The following KHDRBS3 variants were observed in gnomAD, a reference collection of about 807,000 sequenced individuals.
KHDRBS3 encodes KH RNA binding domain containing, signal transduction associated 3.
A neutral mutation model predicts 45.6 loss-of-function variants in KHDRBS3; 23 were observed. The ratio of observed to expected loss-of-function variants is 0.50; its 90% CI spans 0.36 to 0.72. The LOEUF (loss-of-function observed/expected upper bound fraction) is 0.72. Ranked by LOEUF, KHDRBS3 falls within the 30% of genes least tolerant of loss-of-function variation. KHDRBS3 has a pLI of 0.00. For synonymous variants in KHDRBS3, 162 were observed against 156.5 expected (o/e 1.04, Z -0.26); for missense variants, 352 against 424.8 (o/e 0.83, Z 1.51).
chr8:135,546,397 T>G (rs1826303181), intron 3 of KHDRBS3, among the ~76,000 whole-genome samples: 1 of 152,234 alleles, frequency 6.6e-6, no homozygotes, highest in Non-Finnish European at 1.5e-5. Flanking sequence ...CTGCATTTAT[T>G]TGCTACATTT....
At chr8:135,642,838 G>T (rs1831120708) in intron 7 of KHDRBS3, among the ~76,000 whole-genome samples, 1 of 151,328 alleles carries the variant, frequency 6.6e-6, no homozygotes, top group Non-Finnish European at 1.5e-5. Context: ...CTGTCGCCAG[G>T]CTGGAGTGCA....
intron 7 of KHDRBS3, among the ~76,000 whole-genome samples, chr8:135,614,812 G>A (rs1829852043): frequency 6.6e-6 from 1 of 151,816 alleles, no homozygotes; most frequent in Non-Finnish European, 1.5e-5. Context: ...GCACAGTAAG[G>A]CGGACTTTAT....
rs761627193 is a variant in KHDRBS3 at position 135,457,821 on chromosome 8, C to T, written c.-46C>T. On this transcript the variant is annotated 5_prime_UTR_variant, in exon 1 of 9. Coordinates refer to ENST00000355849, the MANE Select transcript of KHDRBS3 (RefSeq NM_006558.3). This position sits in a 1 kb window ranked among gnomAD's most constrained non-coding sequence, Gnocchi z 4.4. ...GGGTCGGGGGTTGCCGGGCGCCGCC[C>T]CCCGTGCGCCTGGAGTCCACATCCC... 3.0e-5 allele frequency: 41 copies of T among 1,349,216 alleles called. No homozygotes were observed. The highest frequency in any genetic ancestry group is 3.9e-5 in the Non-Finnish European group (39 of 1,001,962). The allele number at this position is 1,349,216 out of a possible 1,614,324, so 83.6% of individuals were successfully genotyped here.
intron 7 of KHDRBS3, among the ~76,000 whole-genome samples, chr8:135,636,893 C>T (rs184582938): frequency 6.6e-6 from 1 of 152,308 alleles, no homozygotes; most frequent in East Asian, 1.9e-4. Flanking sequence ...TTACTCTGAA[C>T]ACATTTAACA....
chr8:135,458,849 G>A (rs1434102532), intron 1 of KHDRBS3: 5 of 455,886 alleles, frequency 1.1e-5, no homozygotes, highest in African/African-American at 2.0e-5. Flanking sequence ...ACGCCTACCC[G>A]GGACAGTGTT....
intron 5 of KHDRBS3, among the ~76,000 whole-genome samples, chr8:135,572,960 G>T (rs1005230093): frequency 1.3e-5 from 2 of 152,236 alleles, no homozygotes; most frequent in African/African-American, 4.8e-5. Context: ...AATGAAGCAA[G>T]ATTGTCAAAT....
At chr8:135,487,863 A>T (rs531899838) in intron 1 of KHDRBS3, among the ~76,000 whole-genome samples, 1 of 152,316 alleles carries the variant, frequency 6.6e-6, no homozygotes, top group South Asian at 2.1e-4. Context: ...CATTGCTCTA[A>T]AAGCAAGCAG....
intron 1 of KHDRBS3, among the ~76,000 whole-genome samples, chr8:135,479,713 C>CCCTACCT (rs1258121150): frequency 6.6e-6 from 1 of 152,200 alleles, no homozygotes; most frequent in Non-Finnish European, 1.5e-5. Flanking sequence ...CTCTGAAAGA[C>CCCTACCT]CCTACCTCTT....
At chr8:135,601,131 G>A (rs1239397037) in intron 6 of KHDRBS3, among the ~76,000 whole-genome samples, 1 of 152,224 alleles carries the variant, frequency 6.6e-6, no homozygotes, top group Admixed American at 6.5e-5. Context: ...AAAGAGGTGA[G>A]AGGACTAAAC....
intron 1 of KHDRBS3, among the ~76,000 whole-genome samples, chr8:135,492,557 A>C (rs1823213510): frequency 6.6e-6 from 1 of 151,206 alleles, no homozygotes; most frequent in African/African-American, 2.4e-5. Flanking sequence ...CATTTGTTAA[A>C]TGAATGTATT....
chr8:135,645,223 G>T (rs1012836239), intron 8 of KHDRBS3, 106 bp downstream of exon 8: 3 of 1,079,908 alleles, frequency 2.8e-6, no homozygotes, highest in South Asian at 1.4e-5. Context: ...CTCTGAAACA[G>T]CAGCTTCCTG....
intron 7 of KHDRBS3, among the ~76,000 whole-genome samples, chr8:135,630,583 A>G (rs905641327): frequency 1.3e-5 from 2 of 151,878 alleles, no homozygotes; most frequent in South Asian, 4.2e-4. Flanking sequence ...GGGGAACATC[A>G]TAGAGTGACT....
In KHDRBS3 at chr8:135,639,062, G is replaced by A. The variant is rs545992111; in HGVS notation, c.891-5997G>A. ...AAAGTGAAGAAAGTATGTCAAGGAAGAGGTGTAGTAATCAGCCACATCAGG... is the reference window on the plus strand; with the variant it reads ...AAAGTGAAGAAAGTATGTCAAGGAAAAGGTGTAGTAATCAGCCACATCAGG... On this transcript the variant is annotated intron_variant, in intron 7 of 8. Coordinates refer to ENST00000355849, the MANE Select transcript of KHDRBS3 (RefSeq NM_006558.3). Among the ~76,000 whole-genome samples the A allele has an allele frequency of 1.0e-3, 157 of 152,172 alleles. 3 individuals are homozygous for A. In the South Asian group the frequency reaches 0.032, roughly 31 times the overall value.
Position 135,634,963 on chromosome 8 carries a change from T to C in KHDRBS3, c.891-10096T>C, listed in dbSNP as rs1830749004. 1.3e-5 allele frequency among the ~76,000 whole-genome samples: 2 copies of C among 152,232 alleles called. 1 individual carries two copies. Among genetic ancestry groups the C allele is most frequent in the South Asian group, 4.1e-4 (2 of 4,828 alleles). ...GGCCAATGGTTCTGAAAGTTTTTGATCTCACAATCCCTGTATACTTCATAC... is the reference window on the plus strand; with the variant it reads ...GGCCAATGGTTCTGAAAGTTTTTGACCTCACAATCCCTGTATACTTCATAC... On this transcript the variant is annotated intron_variant, in intron 7 of 8. Transcript: ENST00000355849.
intron 3 of KHDRBS3, among the ~76,000 whole-genome samples, chr8:135,547,369 G>A (rs1228070627): frequency 2.6e-5 from 4 of 152,116 alleles, no homozygotes; most frequent in African/African-American, 4.8e-5. Context: ...CCTTTCGCCA[G>A]CATTTATATA....
At chr8:135,620,596 A>G (rs1326831811) in intron 7 of KHDRBS3, among the ~76,000 whole-genome samples, 2 of 152,178 alleles carry the variant, frequency 1.3e-5, no homozygotes, top group African/African-American at 2.4e-5. Flanking sequence ...GTTAATCTCA[A>G]ATATACCTTT....
chr8:135,625,697 T>C (rs1159035223), intron 7 of KHDRBS3: 1 of 792,684 alleles, frequency 1.3e-6, no homozygotes, highest in Non-Finnish European at 2.3e-6. Context: ...CTTTTACTAA[T>C]TTGTCCACAG....
intron 1 of KHDRBS3, among the ~76,000 whole-genome samples, chr8:135,494,284 T>TA (rs1213307000): frequency 9.6e-5 from 13 of 134,768 alleles, no homozygotes; most frequent in African/African-American, 3.4e-4. Flanking sequence ...TTTTTTTTTT[T>TA]TTTTTTTTTT....
intron 5 of KHDRBS3, among the ~76,000 whole-genome samples, chr8:135,577,958 T>C (rs907018683): frequency 9.9e-5 from 15 of 152,216 alleles, no homozygotes; most frequent in Admixed American, 9.8e-4. Context: ...ATCTCACTTT[T>C]GTTGTAGTTT....
Sources: allele counts gnomAD v4.1 joint callset (sites outside exome capture counted in the v4.1 genomes callset), GRCh38; gene constraint gnomAD v4.1.1; non-coding constraint Gnocchi (gnomAD v3.1); transcripts MANE v1.5; gene names NCBI Gene and HGNC (gene_info 2026-07-23, HGNC 2026-07-21).